Variants in WWOX observed in about 807,000 individuals in gnomAD.
WWOX encodes the protein WW domain-containing oxidoreductase.
In WWOX, 69 loss-of-function variants were observed where a neutral mutation model predicts 46.2. That is an observed-to-expected ratio of 1.49 (90% CI 1.23 to 1.82). WWOX has a LOEUF of 1.82. WWOX is among the 40% of genes most tolerant of loss of function. The pLI is 0.00. For missense variants in WWOX, 919 were observed against 542.6 expected, an observed-to-expected ratio of 1.69 and a Z score of -6.89; for synonymous variants, 359 against 202.6, an observed-to-expected ratio of 1.77 and a Z score of -6.56.
At position 78,132,306 on chromosome 16, in the gene WWOX, G is replaced by A. The variant is rs537615774; in HGVS notation, c.409+17152G>A. On this transcript the variant is annotated intron_variant, in intron 4 of 8. Transcript: ENST00000566780. ...CTCCCAAAGTGCTGGGATTACAGGC[G>A]TGAGCCACCACGCCCGGCCTTGATT... Among the ~76,000 whole-genome samples the A allele has an allele frequency of 2.8e-3, 424 of 152,150 alleles. 3 individuals are homozygous for A. The highest frequency in any genetic ancestry group is 0.017 in the Middle Eastern group (5 of 294).
intron 4 of WWOX, among the ~76,000 whole-genome samples, chr16:78,157,785 G>A (rs909271446): frequency 6.6e-6 from 1 of 152,150 alleles, no homozygotes; most frequent in Non-Finnish European, 1.5e-5. Flanking sequence ...TTCAGCCCTC[G>A]GGTTACCATT....
At chr16:79,134,474 G>T (rs1236421346) in intron 8 of WWOX, among the ~76,000 whole-genome samples, 1 of 152,144 alleles carries the variant, frequency 6.6e-6, no homozygotes, top group African/African-American at 2.4e-5. Flanking sequence ...TGCAGAATGA[G>T]GTCGAGGTCA....
chr16:78,986,723 G>A (rs556974799), intron 8 of WWOX, among the ~76,000 whole-genome samples: 1 of 152,254 alleles, frequency 6.6e-6, no homozygotes, highest in South Asian at 2.1e-4. Context: ...CAGGGTTGAT[G>A]CACATGTTGA....
intron 8 of WWOX, among the ~76,000 whole-genome samples, chr16:78,793,526 C>T (rs1028048426): frequency 4.6e-5 from 7 of 152,184 alleles, no homozygotes; most frequent in African/African-American, 1.7e-4. Flanking sequence ...TTTTGCAGGT[C>T]ATTAGCTCAT....
intron 8 of WWOX, among the ~76,000 whole-genome samples, chr16:78,753,065 C>T (rs573153136): frequency 3.3e-5 from 5 of 152,212 alleles, no homozygotes; most frequent in South Asian, 2.1e-4. Context: ...GAGGCCGAGG[C>T]GGGTGGATCA....
At chr16:78,625,001 C>A (rs771031264) in intron 8 of WWOX, among the ~76,000 whole-genome samples, 1 of 152,178 alleles carries the variant, frequency 6.6e-6, no homozygotes, top group East Asian at 1.9e-4. Flanking sequence ...ACCCTGAGTT[C>A]TGCCTCCATC....
Position 78,147,404 on chromosome 16 carries a change from A to G in WWOX, c.410-16779A>G, listed in dbSNP as rs565460151. ...AGAGTTAATGGAACTCTGGCCGTTG[A>G]TGTAGCTTCGAAGCCTGAATTTAAG... On this transcript the variant is annotated intron_variant, in intron 4 of 8. Transcript: ENST00000566780. Among the ~76,000 whole-genome samples the G allele has an allele frequency of 3.9e-5, 6 of 152,268 alleles. No individual in the cohort carries two copies. In the East Asian group the frequency reaches 1.2e-3, roughly 29 times the overall value.
At chr16:79,055,926 C>T (rs1025991845) in intron 8 of WWOX, among the ~76,000 whole-genome samples, 1 of 152,170 alleles carries the variant, frequency 6.6e-6, no homozygotes, top group Non-Finnish European at 1.5e-5. Context: ...GAAGGTCTCC[C>T]AGATGTAAAT....
intron 8 of WWOX, among the ~76,000 whole-genome samples, chr16:78,868,247 A>G (rs749832580): frequency 2.5e-4 from 38 of 152,190 alleles, no homozygotes; most frequent in Non-Finnish European, 7.3e-5. Flanking sequence ...AACTTCAAAA[A>G]CATTACGCTA....
chr16:78,625,011 C>T (rs77319209), intron 8 of WWOX, among the ~76,000 whole-genome samples: 48 of 152,296 alleles, frequency 3.2e-4, no homozygotes, highest in Non-Finnish European at 6.0e-4. Context: ...CTGCCTCCAT[C>T]ACTGGAACAA....
intron 8 of WWOX, among the ~76,000 whole-genome samples, chr16:78,769,245 G>T (rs527661117): frequency 1.3e-5 from 2 of 152,198 alleles, no homozygotes; most frequent in Admixed American, 1.3e-4. Context: ...GTTACAGCCC[G>T]TGTAATGCCA....
At chr16:79,164,918 A>G (rs937933530) in intron 8 of WWOX, among the ~76,000 whole-genome samples, 2 of 152,140 alleles carry the variant, frequency 1.3e-5, no homozygotes, top group Non-Finnish European at 2.9e-5. Context: ...GAGAAGAGGC[A>G]AAGTGTGCAT....
chr16:78,957,797 T>A (rs2151308634), intron 8 of WWOX, among the ~76,000 whole-genome samples: 1 of 152,344 alleles, frequency 6.6e-6, no homozygotes, highest in Non-Finnish European at 1.5e-5. Flanking sequence ...TTGTCCTGTT[T>A]TAATCTCAAA....
At chr16:78,133,370 C>G (rs1475146984) in intron 4 of WWOX, among the ~76,000 whole-genome samples, 7 of 152,310 alleles carry the variant, frequency 4.6e-5, no homozygotes, top group African/African-American at 1.4e-4. Context: ...AGGAGATTCT[C>G]CTGCTTCAGC....
intron 8 of WWOX, among the ~76,000 whole-genome samples, chr16:78,939,074 C>G (rs1340789708): frequency 2.0e-5 from 3 of 152,198 alleles, no homozygotes; most frequent in African/African-American, 7.2e-5. Flanking sequence ...GAGTGGGTAG[C>G]CACAGGAGGG....
chr16:78,500,547 A>C (rs1793477301), intron 8 of WWOX, among the ~76,000 whole-genome samples: 1 of 152,094 alleles, frequency 6.6e-6, no homozygotes, highest in Non-Finnish European at 1.5e-5. Flanking sequence ...TGCCAGGTGC[A>C]TGCTGCTGGA....
intron 8 of WWOX, among the ~76,000 whole-genome samples, chr16:79,055,580 C>G (rs1449788118): frequency 6.6e-6 from 1 of 152,152 alleles, no homozygotes. Flanking sequence ...CCATTCCCCA[C>G]CTCAAGGCCC....
At chr16:78,674,382 T>A (rs2047541057) in intron 8 of WWOX, among the ~76,000 whole-genome samples, 1 of 151,882 alleles carries the variant, frequency 6.6e-6, no homozygotes, top group African/African-American at 2.4e-5. Flanking sequence ...CCTTCCAAGT[T>A]CAAGCAATTG....
At chr16:78,107,896 A>G (rs1244091959) in intron 1 of WWOX, among the ~76,000 whole-genome samples, 2 of 152,110 alleles carry the variant, frequency 1.3e-5, no homozygotes, top group Non-Finnish European at 2.9e-5. Flanking sequence ...TAAAACCAAA[A>G]CAAATACACA....
Sources: allele counts gnomAD v4.1 joint callset (sites outside exome capture counted in the v4.1 genomes callset), GRCh38; gene constraint gnomAD v4.1.1; transcripts MANE v1.5; gene names NCBI Gene and HGNC (gene_info 2026-07-23, HGNC 2026-07-21).